The following EGFL6 variants were observed in gnomAD, a reference collection of about 807,000 sequenced individuals.
The protein encoded by EGFL6 is epidermal growth factor-like protein 6.
Under a neutral mutation model 43.1 loss-of-function variants are expected in EGFL6, and 42 were observed. That is an observed-to-expected ratio of 0.98 (90% confidence interval 0.76 to 1.26). The LOEUF is 1.26. Ranked by LOEUF, EGFL6 falls within the 50% of genes most tolerant of loss-of-function variation. The pLI, the probability that EGFL6 is intolerant of heterozygous loss-of-function variation, is 0.00. For missense variants in EGFL6, 429 were observed against 427.8 expected (o/e 1.00, Z -0.02); for synonymous variants, 164 against 163.2 (o/e 1.01, Z -0.04).
intron 1 of EGFL6, among the ~76,000 whole-genome samples, chrX:13,571,781 C>T (rs1230173558): frequency 8.9e-6 from 1 of 112,064 alleles, no homozygotes; most frequent in African/African-American, 3.3e-5. Context: ...TTGGAAATGT[C>T]AAGTGGTCAG....
intron 1 of EGFL6, among the ~76,000 whole-genome samples, chrX:13,576,698 C>T (rs2045473201): frequency 9.0e-6 from 1 of 111,573 alleles, no homozygotes; most frequent in African/African-American, 3.3e-5. Flanking sequence ...AGATTGAGGT[C>T]CCACTGGCAA....
chrX:13,569,825 G>T lies in EGFL6; in HGVS notation c.-37G>T. The T allele has an allele frequency of 1.7e-6, 2 of 1,201,965 alleles. No homozygotes were observed. The highest frequency in any genetic ancestry group is 1.8e-5 in the South Asian group (1 of 56,657). On this transcript the variant is annotated 5_prime_UTR_variant, in exon 1 of 12. In the 5' UTR this introduces an upstream ATG that the reference lacks. Coordinates refer to ENST00000361306, the MANE Select transcript of EGFL6 (RefSeq NM_015507.4). ...CGGGGTCCGGCCGGCGCCCTCCCGAGGGGGGCTCAGGAGGAGGAAGGAGGA... is the reference window on the plus strand; with the variant it reads ...CGGGGTCCGGCCGGCGCCCTCCCGATGGGGGCTCAGGAGGAGGAAGGAGGA...
chrX:13,572,533 T>A (rs2045448805), intron 1 of EGFL6, among the ~76,000 whole-genome samples: 1 of 112,288 alleles, frequency 8.9e-6, no homozygotes, highest in Non-Finnish European at 1.9e-5. Context: ...CCATCTCGAG[T>A]GTTCTAAGTC....
At chrX:13,587,610 C>T (rs1331500265) in intron 1 of EGFL6, among the ~76,000 whole-genome samples, 1 of 111,854 alleles carries the variant, frequency 8.9e-6, no homozygotes, top group African/African-American at 3.3e-5. Context: ...AACTGTTAGG[C>T]GCAGACTGGG....
At chrX:13,623,231 C>T (rs1275441534) in intron 9 of EGFL6, among the ~76,000 whole-genome samples, 1 of 108,282 alleles carries the variant, frequency 9.2e-6, no homozygotes, top group Non-Finnish European at 1.9e-5. Flanking sequence ...GCAAGGTCTT[C>T]ACTGGTTTAT....
At position 13,606,389 on chromosome X, in the gene EGFL6, A is replaced by G. The variant is rs779956860; in HGVS notation, c.531A>G (p.Glu177=). Residue 177 remains glutamate, a synonymous_variant, in exon 6 of 12, where the codon GAA becomes GAG. Transcript: ENST00000361306. The part of the protein sequence containing the change: ...PNGRDCLDID[E]CASGKVICPY... ...GTTTTTACACCCTAGATATTGATGA[A>G]TGTGCCTCTGGTAAAGTCATCTGTC... 2 of 1,210,631 alleles carry G rather than the reference A, an allele frequency of 1.7e-6. No individual in the cohort carries two copies. The highest frequency in any genetic ancestry group is 2.2e-6 in the Non-Finnish European group (2 of 894,892).
chrX:13,582,491 T>C (rs1039425472), intron 1 of EGFL6, among the ~76,000 whole-genome samples: 5 of 111,495 alleles, frequency 4.5e-5, no homozygotes, highest in Admixed American at 9.5e-5. Context: ...AGGAATTCCT[T>C]ACAGCAGATA....
chrX:13,594,294 G>A (rs1363059295), intron 2 of EGFL6, among the ~76,000 whole-genome samples: 1 of 111,667 alleles, frequency 9.0e-6, no homozygotes, highest in Non-Finnish European at 1.9e-5. Flanking sequence ...GGATACAGAA[G>A]TGAATAAAAT....
Position 13,632,912 on chromosome X carries a change from C to T in EGFL6, c.1552-73C>T, listed in dbSNP as rs2045821193. On this transcript the variant is annotated intron_variant, in intron 11 of 11. Coordinates refer to ENST00000361306, the MANE Select transcript of EGFL6 (RefSeq NM_015507.4). ...ATGAAATAGGGACACGAGTTAATAG[C>T]TATTAAATAGCTTGATTATATCATT... 3 of 953,150 alleles carry T rather than the reference C, an allele frequency of 3.1e-6. No homozygotes were observed. The Admixed American group carries it at 7.1e-5, about 23-fold the overall frequency. 78.6% of individuals were successfully genotyped at this position (953,150 alleles called of 1,213,427 possible). A position where few individuals can be genotyped will look rare whatever the true frequency, so the allele number is the denominator to read the frequency against.
chrX:13,607,079 G>A (rs1285153299), intron 6 of EGFL6, among the ~76,000 whole-genome samples: 1 of 111,924 alleles, frequency 8.9e-6, no homozygotes, highest in Non-Finnish European at 1.9e-5. Flanking sequence ...TCTCTGATAA[G>A]ATTCTGGTAT....
rs149745439 is a variant in EGFL6, at chrX:13,576,285, C to A, written c.74+6350C>A. On this transcript the variant is annotated intron_variant, in intron 1 of 11. Coordinates refer to ENST00000361306, the MANE Select transcript of EGFL6 (RefSeq NM_015507.4). ...AGGGCGGGGAAAGGTGCCACACACT[C>A]ATACACTTTTAAACAACCAAATTTC... 4.9e-3 allele frequency among the ~76,000 whole-genome samples: 547 copies of A among 110,793 alleles called. 4 individuals carry two copies. The highest frequency in any genetic ancestry group is 0.017 in the African/African-American group (513 of 30,413).
intron 7 of EGFL6, among the ~76,000 whole-genome samples, chrX:13,615,776 C>T (rs1314077752): frequency 8.9e-6 from 1 of 111,998 alleles, no homozygotes; most frequent in Non-Finnish European, 1.9e-5. Context: ...AAGCATTTTT[C>T]CCCCGTTTGG....
chrX:13,632,602 C>T (rs1288073973), intron 11 of EGFL6, among the ~76,000 whole-genome samples: 1 of 111,057 alleles, frequency 9.0e-6, no homozygotes, highest in Non-Finnish European at 1.9e-5. Flanking sequence ...CCGTGCCCGG[C>T]CTTGACTATA....
chrX:13,628,979 T>G (rs1004935681), intron 11 of EGFL6, among the ~76,000 whole-genome samples: 2 of 112,881 alleles, frequency 1.8e-5, no homozygotes, highest in Non-Finnish European at 3.7e-5. Context: ...TAATGCAAAT[T>G]TAACATCTTT....
At chrX:13,583,785 A>G (rs1274963674) in intron 1 of EGFL6, among the ~76,000 whole-genome samples, 3 of 111,808 alleles carry the variant, frequency 2.7e-5, no homozygotes, top group Non-Finnish European at 5.6e-5. Context: ...CCTCGCAGAC[A>G]TCCAACTGCA....
chrX:13,590,361 C>T (rs1460197023), intron 2 of EGFL6: 3 of 111,783 alleles, frequency 2.7e-5, no homozygotes, highest in East Asian at 2.8e-4. Context: ...CTTTCCATAA[C>T]GACCAACACT....
intron 2 of EGFL6, among the ~76,000 whole-genome samples, chrX:13,592,225 A>G (rs768946497): frequency 1.0e-5 from 1 of 98,962 alleles, no homozygotes; most frequent in South Asian, 4.9e-4. Context: ...TAAAAAAAAA[A>G]AAAAAGATTT....
chrX:13,574,197 A>G (rs1315920811), intron 1 of EGFL6, among the ~76,000 whole-genome samples: 1 of 112,263 alleles, frequency 8.9e-6, no homozygotes, highest in Non-Finnish European at 1.9e-5. Flanking sequence ...TAATCCCAAC[A>G]GTCATTGGTT....
rs1361584793 is a variant in EGFL6, at chrX:13,606,364, G to T, written c.521-15G>T. The T allele has an allele frequency of 8.3e-7, 1 of 1,207,508 alleles. No individual in the cohort carries two copies. Among genetic ancestry groups the T allele is most frequent in the Non-Finnish European group, 1.1e-6 (1 of 893,062 alleles). ...TTCTTGCTATCACTGACACCTTCTG[G>T]TTTTTACACCCTAGATATTGATGAA... On this transcript the variant is annotated splice_polypyrimidine_tract_variant and intron_variant, in intron 5 of 11. Transcript: ENST00000361306.
Sources: allele counts gnomAD v4.1 joint callset (sites outside exome capture counted in the v4.1 genomes callset), GRCh38; gene constraint gnomAD v4.1.1; transcripts MANE v1.5; gene names NCBI Gene and HGNC (gene_info 2026-07-23, HGNC 2026-07-21).